The following ZNF605 variants were observed in gnomAD, a reference collection of about 807,000 sequenced individuals.
The protein encoded by ZNF605 is zinc finger protein 605.
A neutral mutation model predicts 7.9 loss-of-function variants in ZNF605; 9 were observed. The observed-to-expected ratio is 1.14, with a 90% confidence interval of 0.68 to 1.98. The LOEUF (loss-of-function observed/expected upper bound fraction) is 1.98, where lower values mean the gene tolerates loss of function less well. ZNF605 is among the 30% of genes most tolerant of loss of function. The probability of loss-of-function intolerance (pLI) is 0.00; values close to 1 mark genes in which losing one functional copy is unlikely to be tolerated. For synonymous variants in ZNF605, 255 were observed against 260.1 expected, an observed-to-expected ratio of 0.98 and a Z score of 0.19; for missense variants, 673 against 762.4, an observed-to-expected ratio of 0.88 and a Z score of 1.38.
chr12:132,933,064 A>C lies in ZNF605; in HGVS notation c.107T>G (p.Leu36Trp). Residue 36 changes from leucine to tryptophan, a missense_variant, in exon 4 of 5, where the codon TTG becomes TGG. Coordinates refer to ENST00000360187, the MANE Select transcript of ZNF605 (RefSeq NM_183238.4). This position sits in a 1 kb window ranked among gnomAD's most constrained non-coding sequence, Gnocchi z 4.4. ...GAAAACCAGATTGCTATAGTTCTCC[A>C]ACATCACATCTCTGTACAAGTTCTT... Reference protein sequence around the residue: ...TQKNLYRDVMLENYSNLVFLE... With the variant: ...TQKNLYRDVMWENYSNLVFLE... 6.2e-7 allele frequency: 1 copy of C among 1,605,130 alleles called. No individual in the cohort carries two copies. Among genetic ancestry groups the C allele is most frequent in the East Asian group, 2.2e-5 (1 of 44,710 alleles).
intron 3 of ZNF605, among the ~76,000 whole-genome samples, chr12:132,944,442 G>A (rs1335835359): frequency 6.6e-6 from 1 of 152,230 alleles, no homozygotes; most frequent in Non-Finnish European, 1.5e-5. Context: ...TATGGAAACA[G>A]AGCTGAACGC....
chr12:132,944,063 C>T (rs1160987903), intron 3 of ZNF605, among the ~76,000 whole-genome samples: 2 of 152,116 alleles, frequency 1.3e-5, no homozygotes, highest in Non-Finnish European at 2.9e-5. Context: ...GAAAATCAAT[C>T]CTTTATCACA....
chr12:132,926,173 T>C lies in ZNF605; in HGVS notation c.1126A>G (p.Arg376Gly). The C allele has an allele frequency of 3.7e-6, 6 of 1,614,204 alleles. No individual in the cohort carries two copies. The highest frequency in any genetic ancestry group is 5.1e-6 in the Non-Finnish European group (6 of 1,180,022). ...ECNECGEAFIRKPQLIKHQIT... is the reference protein window; with the variant it reads ...ECNECGEAFIGKPQLIKHQIT... Reference sequence around the variant, plus strand: ...TGATGTTTAATCAGCTGTGGTTTTCTGATGAAGGCTTCACCACATTCGTTG... The same window carrying C: ...TGATGTTTAATCAGCTGTGGTTTTCCGATGAAGGCTTCACCACATTCGTTG... Residue 376 changes from arginine (R) to glycine (G), a missense_variant, in exon 5 of 5, where the codon AGA (arginine) becomes GGA (glycine). Physicochemically the swap from Arg to Gly is moderately radical, Grantham distance 125. Coordinates refer to ENST00000360187, the MANE Select transcript of ZNF605 (RefSeq NM_183238.4).
Position 132,926,854 on chromosome 12 carries a change from T to C in ZNF605, c.445A>G (p.Arg149Gly), listed in dbSNP as rs1952253156. ...CATGGCTCTTCGTTGCTGGATTTTC[T>C]ACATGTACTGCAATCACAGTATTTT... ...GIKYCDCSTC[R>G]KSSNEEPWLT... is the part of the protein sequence containing the mutation. The change falls in exon 5 of 5, where the codon AGA (arginine) becomes GGA (glycine). Residue 149 changes from arginine to glycine, a missense_variant. Coordinates refer to ENST00000360187, the MANE Select transcript of ZNF605 (RefSeq NM_183238.4). The C allele has an allele frequency of 1.3e-5, 21 of 1,614,236 alleles. No homozygotes were observed. Among genetic ancestry groups the C allele is most frequent in the Non-Finnish European group, 1.8e-5 (21 of 1,180,048 alleles).
intron 3 of ZNF605, among the ~76,000 whole-genome samples, chr12:132,944,515 T>C (rs1350750060): frequency 6.6e-6 from 1 of 152,162 alleles, no homozygotes; most frequent in African/African-American, 2.4e-5. Context: ...CACATCAACA[T>C]TCCAGTGGAG....
chr12:132,923,616 T>G lies in ZNF605; in HGVS notation c.*1757A>C, dbSNP rs775310497. On this transcript the variant is annotated 3_prime_UTR_variant, in exon 5 of 5. Transcript: ENST00000360187. ...TTTTCTCAAGGTGTTTTAAAAGTAT[T>G]CTGTTTATCAGTGCTTTTCATGAAT... 1.3e-5 allele frequency: 2 copies of G among 152,156 alleles called. No homozygotes were observed. The highest frequency in any genetic ancestry group is 2.9e-5 in the Non-Finnish European group (2 of 67,994). The allele number at this position is 152,156 out of a possible 1,614,324, so 9.4% of individuals were successfully genotyped here.
intron 1 of ZNF605, among the ~76,000 whole-genome samples, chr12:132,950,087 C>T (rs1239704554): frequency 2.2e-4 from 34 of 151,930 alleles, no homozygotes; most frequent in Admixed American, 1.9e-3. Flanking sequence ...CAGAGAGAAG[C>T]CCTGACTACA....
chr12:132,954,811 A>G (rs888389552), intron 1 of ZNF605, among the ~76,000 whole-genome samples: 14 of 152,182 alleles, frequency 9.2e-5, no homozygotes, highest in African/African-American at 3.1e-4. Flanking sequence ...AATGACGCCA[A>G]GTATGACCCC....
intron 1 of ZNF605, among the ~76,000 whole-genome samples, chr12:132,950,405 A>G (rs984044085): frequency 1.6e-4 from 25 of 152,172 alleles, no homozygotes; most frequent in African/African-American, 5.5e-4. Flanking sequence ...TCACGGATGC[A>G]CACACATGCA....
intron 1 of ZNF605, among the ~76,000 whole-genome samples, chr12:132,952,383 C>T (rs1303226075): frequency 4.7e-5 from 7 of 150,320 alleles, no homozygotes; most frequent in South Asian, 2.1e-4. Context: ...ATCACTGGAA[C>T]CCAGGAGATG....
At chr12:132,952,107 C>G (rs1952579332) in intron 1 of ZNF605, among the ~76,000 whole-genome samples, 1 of 151,996 alleles carries the variant, frequency 6.6e-6, no homozygotes, top group Non-Finnish European at 1.5e-5. Context: ...TGTCTCTGCC[C>G]TCTAGGGAAA....
At chr12:132,950,775 CAT>C (rs58586821) in intron 1 of ZNF605, among the ~76,000 whole-genome samples, 20,641 of 151,834 alleles carry the variant, frequency 0.14, 2,214 homozygotes, top group East Asian at 0.52. Flanking sequence ...ACATCACAGA[CAT>C]GTACACACAG....
At chr12:132,950,041 G>A (rs1952541113) in intron 1 of ZNF605, among the ~76,000 whole-genome samples, 1 of 151,932 alleles carries the variant, frequency 6.6e-6, no homozygotes, top group Non-Finnish European at 1.5e-5. Context: ...TCAGGCTTGT[G>A]GCACAGAGGT....
chr12:132,931,696 G>C (rs1351802399), intron 4 of ZNF605, among the ~76,000 whole-genome samples: 4 of 152,184 alleles, frequency 2.6e-5, no homozygotes, highest in African/African-American at 7.2e-5. Flanking sequence ...TAAGTGGAGA[G>C]ATAAGATGTT....
chr12:132,946,220 G>A (rs1280360009), intron 2 of ZNF605, among the ~76,000 whole-genome samples: 19 of 143,632 alleles, frequency 1.3e-4, no homozygotes, highest in Admixed American at 1.1e-3. Context: ...TGTGTTAAGT[G>A]CTACAGAGTA....
intron 4 of ZNF605, among the ~76,000 whole-genome samples, chr12:132,931,151 AC>A (rs142401754): frequency 0.011 from 1,620 of 152,264 alleles, 25 homozygotes; most frequent in African/African-American, 0.037. Context: ...CTGTACTCCA[AC>A]CTGCGTGACA....
chr12:132,950,274 C>G (rs1351853807), intron 1 of ZNF605, among the ~76,000 whole-genome samples: 3 of 152,244 alleles, frequency 2.0e-5, no homozygotes, highest in Admixed American at 6.5e-5. Flanking sequence ...AAAGCAGCCA[C>G]CCTGGCCTCC....
rs1024945726 is a variant in ZNF605 at position 132,920,354 on chromosome 12, T to C, written c.*5019A>G. ...CGGGGTTTCACCGTGTTAGCCAGGA[T>C]GGTCTCGATCTCCTGACCTCGTGAT... On this transcript the variant is annotated 3_prime_UTR_variant, in exon 5 of 5. Coordinates refer to ENST00000360187, the MANE Select transcript of ZNF605 (RefSeq NM_183238.4). 6.6e-6 allele frequency: 1 copy of C among 152,090 alleles called. No homozygotes were observed. The highest frequency in any genetic ancestry group is 6.5e-5 in the Admixed American group (1 of 15,274). 9.4% of individuals were successfully genotyped at this position (152,090 alleles called of 1,614,324 possible). A position where few individuals can be genotyped will look rare whatever the true frequency, so the allele number is the denominator to read the frequency against.
chr12:132,942,155 A>G (rs947852233), intron 3 of ZNF605, among the ~76,000 whole-genome samples: 116 of 152,352 alleles, frequency 7.6e-4, no homozygotes, highest in African/African-American at 2.4e-3. Context: ...CATGGGACAC[A>G]CAGGTAACAG....
Sources: gnomAD v4.1 joint callset for allele counts (sites outside exome capture counted in the v4.1 genomes callset) on GRCh38, gnomAD v4.1.1 for gene constraint, Gnocchi (gnomAD v3.1) non-coding constraint, MANE v1.5 for transcripts, NCBI Gene and HGNC (gene_info 2026-07-23, HGNC 2026-07-21) for gene names.